TBC1D19: variants seen among roughly 807,000 people sequenced by gnomAD.
TBC1D19 encodes TBC1 domain family, member 19.
TBC1D19 carries 60 observed loss-of-function variants against 89.0 expected under a neutral mutation model. The ratio of observed to expected loss-of-function variants is 0.67; its 90% CI spans 0.55 to 0.84. The LOEUF (loss-of-function observed/expected upper bound fraction) is 0.84, where lower values mean the gene tolerates loss of function less well. TBC1D19 is among the 40% of genes least tolerant of loss of function. TBC1D19 has a pLI of 0.00. For missense variants in TBC1D19, 500 were observed against 610.8 expected, an observed-to-expected ratio of 0.82 and a Z score of 1.91; for synonymous variants, 189 against 199.7, an observed-to-expected ratio of 0.95 and a Z score of 0.45.
chr4:26,722,250 C>A (rs1443966565), intron 15 of TBC1D19, among the ~76,000 whole-genome samples: 1 of 152,066 alleles, frequency 6.6e-6, no homozygotes, highest in Non-Finnish European at 1.5e-5. Context: ...TTTATAGTAA[C>A]TTTTTATATT....
the TBC1D19 span, among the ~76,000 whole-genome samples, chr4:26,842,789 G>A: frequency 1.4e-4 from 22 of 151,876 alleles, no homozygotes; most frequent in African/African-American, 3.6e-4. Flanking sequence ...GATTATAGGC[G>A]TGAGCCACAG....
In TBC1D19 at chr4:26,648,427, A is replaced by C. The variant is rs866169109; in HGVS notation, c.480+8240A>C. On this transcript the variant is annotated intron_variant, in intron 7 of 20. Transcript: ENST00000264866. The stretch of plus-strand genomic sequence containing the variant: ...CTGACTAGTTAGTACATGTCACTGC[A>C]TCTTGGCCAAGGGTCACTACCAGAC... Among the ~76,000 whole-genome samples the C allele has an allele frequency of 2.6e-5, 4 of 152,250 alleles. No individual in the cohort carries two copies. In the East Asian group the frequency reaches 5.8e-4, roughly 22 times the overall value.
rs1560506827 is a variant in TBC1D19, at chr4:26,739,985, A to G, written c.1227+12A>G. 2.0e-6 allele frequency: 3 copies of G among 1,511,002 alleles called. No homozygotes were observed. The highest frequency in any genetic ancestry group is 2.7e-6 in the Non-Finnish European group (3 of 1,113,052). 93.6% of individuals were successfully genotyped at this position (1,511,002 alleles called of 1,614,324 possible). On this transcript the variant is annotated intron_variant, in intron 17 of 20. Coordinates refer to ENST00000264866, the MANE Select transcript of TBC1D19 (RefSeq NM_018317.4). ...CTTCTCATCCTTCTGTAAGTTCATA[A>G]GAAAAACTTGATCAAATTAGGTTGG...
intron 1 of TBC1D19, among the ~76,000 whole-genome samples, chr4:26,591,367 G>A (rs1223860501): frequency 2.6e-5 from 4 of 151,954 alleles, no homozygotes; most frequent in Admixed American, 6.6e-5. Context: ...AGCTGAGATC[G>A]CACCACTGTG....
chr4:26,627,963 T>C (rs373718119), intron 4 of TBC1D19, among the ~76,000 whole-genome samples: 1 of 152,202 alleles, frequency 6.6e-6, no homozygotes, highest in East Asian at 1.9e-4. Context: ...TCTTTGCCCA[T>C]GCCTATGTCC....
At chr4:26,843,015 A>G in the TBC1D19 span, among the ~76,000 whole-genome samples, 97 of 152,174 alleles carry the variant, frequency 6.4e-4, 1 homozygote, top group Non-Finnish European at 9.8e-4. Flanking sequence ...TTAAGAATGA[A>G]CAGGTCTTTC....
intron 7 of TBC1D19, among the ~76,000 whole-genome samples, chr4:26,649,533 C>A (rs985001922): frequency 6.6e-6 from 1 of 152,162 alleles, no homozygotes; most frequent in African/African-American, 2.4e-5. Context: ...CTTCCCCATG[C>A]AGCCCTAGGC....
chr4:26,765,823 T>C, the TBC1D19 span, among the ~76,000 whole-genome samples: 2 of 152,204 alleles, frequency 1.3e-5, no homozygotes, highest in African/African-American at 4.8e-5. Context: ...CTCTCTTCTC[T>C]TCTGACTTCT....
intron 6 of TBC1D19, among the ~76,000 whole-genome samples, chr4:26,639,870 T>C (rs567181670): frequency 6.6e-6 from 1 of 152,338 alleles, no homozygotes; most frequent in Non-Finnish European, 1.5e-5. Flanking sequence ...TTATGTTACA[T>C]TGACATTGTT....
At chr4:26,735,222 T>C (rs1174906519) in intron 15 of TBC1D19, among the ~76,000 whole-genome samples, 1 of 151,746 alleles carries the variant, frequency 6.6e-6, no homozygotes, top group East Asian at 1.9e-4. Flanking sequence ...CTTTGATTTC[T>C]CAATATTAAT....
At chr4:26,741,913 T>A (rs1718399044) in intron 17 of TBC1D19, among the ~76,000 whole-genome samples, 1 of 152,208 alleles carries the variant, frequency 6.6e-6, no homozygotes, top group Admixed American at 6.5e-5. Context: ...ATTTTAGTTT[T>A]AAAAAATATG....
intron 14 of TBC1D19, 83 bp from the exon 15 acceptor site, chr4:26,719,998 G>A (rs1423269577): frequency 8.7e-7 from 1 of 1,155,116 alleles, no homozygotes; most frequent in African/African-American, 1.6e-5. Flanking sequence ...AAATTCCGTT[G>A]TTAGTACATT....
chr4:26,700,714 G>T (rs890048258), intron 13 of TBC1D19, among the ~76,000 whole-genome samples: 4 of 152,120 alleles, frequency 2.6e-5, no homozygotes, highest in African/African-American at 9.7e-5. Flanking sequence ...TGTTATGCAG[G>T]AAAATTCTAT....
At chr4:26,793,495 C>T in the TBC1D19 span, among the ~76,000 whole-genome samples, 1 of 152,028 alleles carries the variant, frequency 6.6e-6, no homozygotes, top group African/African-American at 2.4e-5. Context: ...AAGGCCAAGG[C>T]GGGCAGATCA....
the TBC1D19 span, among the ~76,000 whole-genome samples, chr4:26,850,406 G>T: frequency 6.6e-6 from 1 of 151,708 alleles, no homozygotes; most frequent in African/African-American, 2.4e-5. Context: ...AAATTAGCCA[G>T]GCTTGGTGGC....
intron 13 of TBC1D19, among the ~76,000 whole-genome samples, chr4:26,697,489 G>C (rs1465974343): frequency 1.3e-5 from 2 of 152,078 alleles, no homozygotes; most frequent in Admixed American, 6.5e-5. Context: ...AGAAAAAGAG[G>C]GAATCCTCCC....
intron 7 of TBC1D19, among the ~76,000 whole-genome samples, chr4:26,652,791 A>T (rs1383789785): frequency 6.6e-6 from 1 of 151,576 alleles, no homozygotes. Flanking sequence ...GCGGTCTATC[A>T]ATTTTGTTGA....
intron 17 of TBC1D19, chr4:26,740,841 G>A: frequency 2.0e-6 from 2 of 985,290 alleles, no homozygotes; most frequent in Non-Finnish European, 1.2e-6. Flanking sequence ...CCCATTCTAA[G>A]CCTATATATT....
At chr4:26,790,817 C>T in the TBC1D19 span, among the ~76,000 whole-genome samples, 2 of 152,152 alleles carry the variant, frequency 1.3e-5, no homozygotes, top group Admixed American at 1.3e-4. Flanking sequence ...AGACAGACAA[C>T]TTAAACATTT....
Sources: allele counts gnomAD v4.1 joint callset (sites outside exome capture counted in the v4.1 genomes callset), GRCh38; gene constraint gnomAD v4.1.1; transcripts MANE v1.5; gene names NCBI Gene and HGNC (gene_info 2026-07-23, HGNC 2026-07-21).